Variants in CABLES1 observed in about 807,000 individuals in gnomAD.
CABLES1 encodes CDK5 and ABL1 enzyme substrate 1.
In CABLES1, 36 loss-of-function variants were observed where a neutral mutation model predicts 57.8. That is an observed-to-expected ratio of 0.62 (90% confidence interval 0.48 to 0.82). The LOEUF (loss-of-function observed/expected upper bound fraction) is 0.82. Among genes scored for constraint, CABLES1 ranks in the 40% least tolerant of loss-of-function variants. CABLES1 has a pLI of 0.00. For synonymous variants in CABLES1, 374 were observed against 363.0 expected (o/e 1.03, Z -0.35); for missense variants, 767 against 836.6 (o/e 0.92, Z 1.03).
chr18:23,193,600 A>G (rs1397883647), intron 2 of CABLES1, among the ~76,000 whole-genome samples: 1 of 152,188 alleles, frequency 6.6e-6, no homozygotes, highest in Non-Finnish European at 1.5e-5. Context: ...GCAAAACCCA[A>G]AATCGAAAAG....
At chr18:23,210,142 G>A (rs764568061) in intron 3 of CABLES1, among the ~76,000 whole-genome samples, 7 of 108,300 alleles carry the variant, frequency 6.5e-5, no homozygotes, top group African/African-American at 2.1e-4. Flanking sequence ...TAGCCCCAGG[G>A]AATGTTTTCC....
In CABLES1 at chr18:23,200,180, A is replaced by T. The variant is rs953335744; in HGVS notation, c.1010+5640A>T. On this transcript the variant is annotated intron_variant, in intron 3 of 9. Coordinates refer to ENST00000256925, the MANE Select transcript of CABLES1 (RefSeq NM_001100619.3). ...AAATACAGATGATCTTTAAAGTGCC[A>T]TGGAGAATGAATGAAGTTTTAAGTC... Among the ~76,000 whole-genome samples, 3 of 152,206 alleles carry T rather than the reference A, an allele frequency of 2.0e-5. No homozygotes were observed. In the East Asian group the frequency reaches 5.8e-4, roughly 29 times the overall value.
intron 2 of CABLES1, among the ~76,000 whole-genome samples, chr18:23,190,899 A>G (rs2047237880): frequency 6.6e-6 from 1 of 151,780 alleles, no homozygotes; most frequent in Non-Finnish European, 1.5e-5. Flanking sequence ...ATGTAGTGAG[A>G]CCCCCATGTC....
At position 23,248,512 on chromosome 18, in the gene CABLES1, C is replaced by CTTTTTTTTTTTTTTTT. The variant is rs59555750; in HGVS notation, c.1447-4437_1447-4422dup. On this transcript the variant is annotated intron_variant, in intron 7 of 9. Coordinates refer to ENST00000256925, the MANE Select transcript of CABLES1 (RefSeq NM_001100619.3). ...CTGGCAATGTAGCAAGACCCTATGT[C>CTTTTTTTTTTTTTTTT]TTTTTTTTTTTTTTTTTTTTTTTTT... Among the ~76,000 whole-genome samples the CTTTTTTTTTTTTTTTT allele has an allele frequency of 1.4e-4, 13 of 90,726 alleles. 1 individual carries two copies. Among genetic ancestry groups the CTTTTTTTTTTTTTTTT allele is most frequent in the Non-Finnish European group, 2.1e-4 (10 of 46,920 alleles). 59.5% of individuals were successfully genotyped at this position (90,726 alleles called of 152,430 possible). A position where few individuals can be genotyped will look rare whatever the true frequency, so the allele number is the denominator to read the frequency against.
chr18:23,174,626 C>T (rs1352721914), intron 1 of CABLES1, among the ~76,000 whole-genome samples: 1 of 151,558 alleles, frequency 6.6e-6, no homozygotes, highest in Non-Finnish European at 1.5e-5. Context: ...CACCCACCAC[C>T]ACACCCGGCT....
At chr18:23,239,273 A>C (rs1375424985) in intron 7 of CABLES1, among the ~76,000 whole-genome samples, 2 of 152,128 alleles carry the variant, frequency 1.3e-5, no homozygotes, top group East Asian at 3.8e-4. Context: ...ATTTCACTGC[A>C]TTGGCTCTGC....
intron 2 of CABLES1, among the ~76,000 whole-genome samples, chr18:23,190,700 T>C (rs1173114130): frequency 6.6e-6 from 1 of 152,184 alleles, no homozygotes; most frequent in African/African-American, 2.4e-5. Context: ...AATCTTGTTA[T>C]TATAAAATTC....
intron 9 of CABLES1, 63 bp from the exon 10 acceptor site, chr18:23,257,164 T>C (rs1206912628): frequency 1.2e-5 from 19 of 1,579,366 alleles, no homozygotes; most frequent in Middle Eastern, 3.3e-4. Flanking sequence ...GAAGCTGCAA[T>C]TGCAGAAAGA....
intron 3 of CABLES1, chr18:23,204,253 A>G (rs2047346821): frequency 6.6e-6 from 1 of 152,264 alleles, no homozygotes; most frequent in African/African-American, 2.4e-5. Flanking sequence ...CACCACACGC[A>G]CCTGGTTTTA....
At chr18:23,167,934 G>A (rs940164032) in intron 1 of CABLES1, among the ~76,000 whole-genome samples, 1 of 152,264 alleles carries the variant, frequency 6.6e-6, no homozygotes, top group Non-Finnish European at 1.5e-5. Flanking sequence ...CTTAAATGCA[G>A]CAGTCAGGTT....
At chr18:23,247,367 C>T (rs1217161743) in intron 7 of CABLES1, among the ~76,000 whole-genome samples, 1 of 152,240 alleles carries the variant, frequency 6.6e-6, no homozygotes. Flanking sequence ...TCAGAGTGAT[C>T]CGTCCAGTTT....
intron 7 of CABLES1, among the ~76,000 whole-genome samples, chr18:23,246,669 G>C (rs999477377): frequency 5.3e-5 from 8 of 151,616 alleles, no homozygotes; most frequent in Non-Finnish European, 1.2e-4. Context: ...GGGATTATAT[G>C]CTTGAGCCAC....
rs1425214101 is a variant in CABLES1 at position 23,257,252 on chromosome 18, A to T, written c.1787A>T (p.Asn596Ile). 1 of 1,604,900 alleles carries T rather than the reference A, an allele frequency of 6.2e-7. No homozygotes were observed. The highest frequency in any genetic ancestry group is 1.3e-5 in the African/African-American group (1 of 74,298). Reference protein sequence around the residue: ...IDKLEEKFRLNRRELIAFEFP... With the variant: ...IDKLEEKFRLIRRELIAFEFP... Reference sequence around the variant, plus strand: ...AAACTGGAAGAGAAGTTCCGGCTGAACAGGCGAGAACTGATTGCCTTTGAA... The same window carrying T: ...AAACTGGAAGAGAAGTTCCGGCTGATCAGGCGAGAACTGATTGCCTTTGAA... The change falls in exon 10 of 10, where the codon AAC becomes ATC. Residue 596 changes from asparagine (N) to isoleucine (I), a missense_variant. This residue lies in a region of CABLES1 where 15 missense variants were observed against 41.0 expected (regional missense o/e 0.37). Transcript: ENST00000256925.
intron 1 of CABLES1, among the ~76,000 whole-genome samples, chr18:23,154,165 A>C (rs1439531067): frequency 3.3e-5 from 5 of 152,202 alleles, no homozygotes; most frequent in Admixed American, 6.5e-5. Flanking sequence ...CAACTTGCAC[A>C]TGTTTGTATC....
chr18:23,227,240 G>T (rs993240293), intron 4 of CABLES1, among the ~76,000 whole-genome samples: 1 of 151,938 alleles, frequency 6.6e-6, no homozygotes, highest in Admixed American at 6.6e-5. Flanking sequence ...CCAGGCCCAT[G>T]CCCCCTTCCT....
intron 1 of CABLES1, among the ~76,000 whole-genome samples, chr18:23,179,022 A>C (rs898307648): frequency 1.3e-5 from 2 of 152,232 alleles, no homozygotes; most frequent in Admixed American, 6.5e-5. Flanking sequence ...GTGGTGGCTC[A>C]CACCAGTAAT....
chr18:23,229,393 CAA>C (rs2047551118), intron 4 of CABLES1, among the ~76,000 whole-genome samples: 1 of 152,066 alleles, frequency 6.6e-6, no homozygotes, highest in African/African-American at 2.4e-5. Context: ...GCCTAGGCAA[CAA>C]GAGTAAAACT....
chr18:23,254,828 C>T (rs1021039749), intron 9 of CABLES1, among the ~76,000 whole-genome samples: 55 of 152,172 alleles, frequency 3.6e-4, no homozygotes, highest in Admixed American at 1.6e-3. Context: ...GGCCCCATCT[C>T]CTAATACCAT....
At chr18:23,185,924 C>A (rs1014517528) in intron 1 of CABLES1, among the ~76,000 whole-genome samples, 12 of 152,138 alleles carry the variant, frequency 7.9e-5, no homozygotes, top group African/African-American at 2.7e-4. Flanking sequence ...AACAGTAAAT[C>A]TTTTCATCAC....
Sources: allele counts gnomAD v4.1 joint callset (sites outside exome capture counted in the v4.1 genomes callset), GRCh38; gene constraint gnomAD v4.1.1; regional missense constraint gnomAD v4.1.1; transcripts MANE v1.5; gene names NCBI Gene and HGNC (gene_info 2026-07-23, HGNC 2026-07-21).